The following CDKL3 variants were observed in gnomAD, a reference collection of about 807,000 sequenced individuals.
The protein encoded by CDKL3 is cyclin dependent kinase like 3.
Under a neutral mutation model 69.3 loss-of-function variants are expected in CDKL3, and 65 were observed. That is an observed-to-expected ratio of 0.94 (90% CI 0.77 to 1.15). The LOEUF is 1.15. Ranked by LOEUF, CDKL3 falls within the 50% of genes most tolerant of loss-of-function variation. The probability of loss-of-function intolerance (pLI) is 0.00; values close to 1 mark genes in which losing one functional copy is unlikely to be tolerated. For synonymous variants in CDKL3, 202 were observed against 221.6 expected, an observed-to-expected ratio of 0.91 and a Z score of 0.79; for missense variants, 652 against 689.2, an observed-to-expected ratio of 0.95 and a Z score of 0.61.
chr5:134,355,452 A>G (rs1249677472), intron 3 of CDKL3, among the ~76,000 whole-genome samples: 1 of 152,188 alleles, frequency 6.6e-6, no homozygotes, highest in Non-Finnish European at 1.5e-5. Flanking sequence ...GTAAACTAGG[A>G]AAGAGTGGAA....
At chr5:134,300,060 A>T (rs1271395720) in intron 12 of CDKL3, among the ~76,000 whole-genome samples, 1 of 152,002 alleles carries the variant, frequency 6.6e-6, no homozygotes, top group Non-Finnish European at 1.5e-5. Context: ...TAAACCTGGC[A>T]GGGCGTGGTG....
intron 3 of CDKL3, among the ~76,000 whole-genome samples, chr5:134,355,487 C>A (rs1247385108): frequency 6.6e-6 from 1 of 152,010 alleles, no homozygotes; most frequent in Admixed American, 6.6e-5. Flanking sequence ...GGAAGATAGA[C>A]TAGTATGTGC....
chr5:134,314,308 CTG>C (rs1770414697), intron 6 of CDKL3, among the ~76,000 whole-genome samples: 1 of 152,180 alleles, frequency 6.6e-6, no homozygotes, highest in African/African-American at 2.4e-5. Context: ...GGCAGTCCTT[CTG>C]TGAATATAAT....
intron 3 of CDKL3, among the ~76,000 whole-genome samples, chr5:134,355,553 A>G (rs1754393989): frequency 6.6e-6 from 1 of 152,242 alleles, no homozygotes; most frequent in African/African-American, 2.4e-5. Context: ...GAAAAGTTAT[A>G]TCGCAATTCT....
intron 2 of CDKL3, among the ~76,000 whole-genome samples, chr5:134,361,667 G>T (rs1055091950): frequency 6.6e-6 from 1 of 152,178 alleles, no homozygotes; most frequent in Non-Finnish European, 1.5e-5. Context: ...ACTTTGGGAG[G>T]CTGAGGCGGG....
downstream of CDKL3, among the ~76,000 whole-genome samples, chr5:134,293,454 T>C (rs1392554226): frequency 6.6e-6 from 1 of 151,888 alleles, no homozygotes; most frequent in African/African-American, 2.4e-5. Context: ...ACAAAGATAA[T>C]AAAACTAGAC....
chr5:134,284,451 C>T (rs1049959741), downstream of CDKL3, among the ~76,000 whole-genome samples: 10 of 152,172 alleles, frequency 6.6e-5, no homozygotes, highest in African/African-American at 2.4e-4. Flanking sequence ...AGCAAGATTA[C>T]AAGGCCAGGT....
Position 134,306,695 on chromosome 5 carries a change from C to T in CDKL3, c.1372G>A (p.Glu458Lys). Residue 458 changes from glutamate (E) to lysine (K), a missense_variant, in exon 10 of 13, where the codon GAA (glutamate) becomes AAA (lysine). Coordinates refer to ENST00000265334, the MANE Select transcript of CDKL3 (RefSeq NM_001113575.2). ...NLFHPSVRLT[E>K]RAKKRRTSSQ... The stretch of plus-strand genomic sequence containing the variant: ...GAAGTGCGTCTCTTTTTTGCTCTTT[C>T]AGTTAACCTATTATTTAAAAATGAA... 6.7e-7 allele frequency: 1 copy of T among 1,498,944 alleles called. No homozygotes were observed. Among genetic ancestry groups the T allele is most frequent in the Non-Finnish European group, 8.9e-7 (1 of 1,118,152 alleles). The allele number at this position is 1,498,944 out of a possible 1,614,324, so 92.9% of individuals were successfully genotyped here.
chr5:134,353,642 C>T (rs1456220502), intron 3 of CDKL3, among the ~76,000 whole-genome samples: 1 of 151,504 alleles, frequency 6.6e-6, no homozygotes, highest in Non-Finnish European at 1.5e-5. Context: ...ACCTCTGGCT[C>T]CCGGGTTCAA....
intron 5 of CDKL3, 44 bp from the exon 6 acceptor site, chr5:134,319,541 T>C: frequency 6.9e-7 from 1 of 1,448,092 alleles, no homozygotes; most frequent in South Asian, 1.4e-5. Context: ...AGAGAAATAG[T>C]CTATAATCAA....
intron 4 of CDKL3, among the ~76,000 whole-genome samples, chr5:134,322,702 C>T (rs1344025170): frequency 6.6e-6 from 1 of 152,176 alleles, no homozygotes; most frequent in Non-Finnish European, 1.5e-5. Flanking sequence ...TGAGGTCTGG[C>T]TGGACACTGT....
chr5:134,318,088 G>A (rs879394811), intron 6 of CDKL3, among the ~76,000 whole-genome samples: 13 of 151,718 alleles, frequency 8.6e-5, no homozygotes, highest in East Asian at 1.9e-4. Flanking sequence ...GTGTGGTGGC[G>A]CATGCATGTA....
intron 9 of CDKL3, among the ~76,000 whole-genome samples, chr5:134,307,685 C>CTAAAATATG (rs1254910495): frequency 5.9e-5 from 9 of 152,250 alleles, no homozygotes; most frequent in Non-Finnish European, 1.0e-4. Context: ...CTAAAACTGG[C>CTAAAATATG]CTAATATGCT....
intron 5 of CDKL3, among the ~76,000 whole-genome samples, chr5:134,321,111 C>CA (rs201720100): frequency 0.011 from 1,565 of 147,474 alleles, 25 homozygotes; most frequent in African/African-American, 0.036. Context: ...TGGGTTCAAG[C>CA]AGTTCTCATG....
At chr5:134,297,944 GTGTT>G (rs1561487890), downstream of CDKL3, among the ~76,000 whole-genome samples, 1 of 101,720 alleles carries the variant, frequency 9.8e-6, no homozygotes, top group Non-Finnish European at 1.9e-5. Context: ...GTGTGTGTGT[GTGTT>G]TTGAGACAGA....
At chr5:134,288,204 C>T (rs1357869840) in intron 8 of CDKL3, among the ~76,000 whole-genome samples, 1 of 152,096 alleles carries the variant, frequency 6.6e-6, no homozygotes, top group Non-Finnish European at 1.5e-5. Flanking sequence ...TGTAACTTTA[C>T]TTTTAAAACT....
At position 134,359,959 on chromosome 5, in the gene CDKL3, T is replaced by TA; in HGVS notation, c.297dup (p.Lys100Ter). 6.3e-7 allele frequency: 1 copy of TA among 1,584,150 alleles called. No homozygotes were observed. The highest frequency in any genetic ancestry group is 8.6e-7 in the Non-Finnish European group (1 of 1,163,596). ...TGGAAGAGGTATTTTCTAAGTCGCT[T>TA]ACTCTCTAGTCCATGACAATAATGT... On this transcript the variant is annotated frameshift_variant, in exon 3 of 13. Transcript: ENST00000265334. LOFTEE classifies it high-confidence loss of function.
At chr5:134,341,559 CT>C in intron 4 of CDKL3, among the ~76,000 whole-genome samples, 1 of 152,306 alleles carries the variant, frequency 6.6e-6, no homozygotes, top group East Asian at 1.9e-4. Context: ...TAAGGTTTTC[CT>C]TTTAATGAAA....
At chr5:134,369,997 A>G (rs967674903), upstream of CDKL3, among the ~76,000 whole-genome samples, 2 of 152,254 alleles carry the variant, frequency 1.3e-5, no homozygotes, top group Admixed American at 6.5e-5. Context: ...TAAAAAACAC[A>G]TTGCGAATGT....
Sources: gnomAD v4.1 joint callset for allele counts (sites outside exome capture counted in the v4.1 genomes callset) on GRCh38, gnomAD v4.1.1 for gene constraint, MANE v1.5 for transcripts, NCBI Gene and HGNC (gene_info 2026-07-23, HGNC 2026-07-21) for gene names.